Variants in NUP98 observed in about 807,000 individuals in gnomAD.
The protein encoded by NUP98 is nuclear pore complex protein Nup98-Nup96.
In NUP98, 26 loss-of-function variants were observed where a neutral mutation model predicts 191.9. The ratio of observed to expected loss-of-function variants is 0.14; its 90% CI spans 0.10 to 0.19. The LOEUF (loss-of-function observed/expected upper bound fraction) is 0.19, where lower values mean the gene tolerates loss of function less well. NUP98 is among the 10% of genes least tolerant of loss of function. The probability of loss-of-function intolerance (pLI) is 1.00; values close to 1 mark genes in which losing one functional copy is unlikely to be tolerated. For missense variants in NUP98, 1,941 were observed against 2,178.8 expected (o/e 0.89, Z 2.17); for synonymous variants, 808 against 778.4 (o/e 1.04, Z -0.63).
intron 31 of NUP98, among the ~76,000 whole-genome samples, chr11:3,677,033 A>C (rs1350770066): frequency 6.6e-6 from 1 of 152,330 alleles, no homozygotes; most frequent in South Asian, 2.1e-4. Flanking sequence ...ACACCAAAAA[A>C]GCTGTGTGCA....
intron 1 of NUP98, among the ~76,000 whole-genome samples, chr11:3,783,808 C>T (rs776455034): frequency 5.9e-5 from 9 of 151,912 alleles, no homozygotes; most frequent in East Asian, 1.9e-4. Flanking sequence ...GTTCCAAGAA[C>T]GCCTACACAG....
At chr11:3,702,241 AACACAC>A (rs1180575472) in intron 23 of NUP98, among the ~76,000 whole-genome samples, 2 of 143,994 alleles carry the variant, frequency 1.4e-5, no homozygotes, top group Non-Finnish European at 3.0e-5. Flanking sequence ...GAGACTCAAA[AACACAC>A]ACACACACAC....
chr11:3,679,838 C>T, intron 30 of NUP98, 130 bp from the exon 31 acceptor site: 2 of 774,082 alleles, frequency 2.6e-6, no homozygotes, highest in Non-Finnish European at 4.1e-6. Context: ...AAAGCACATA[C>T]AGGCATACCT....
intron 1 of NUP98, among the ~76,000 whole-genome samples, chr11:3,794,755 A>G (rs1337935942): frequency 6.6e-6 from 1 of 152,078 alleles, no homozygotes; most frequent in Non-Finnish European, 1.5e-5. Context: ...GCTGGAGTAC[A>G]GGTGCATGCC....
intron 4 of NUP98, among the ~76,000 whole-genome samples, chr11:3,776,278 C>A (rs1026537693): frequency 6.6e-6 from 1 of 151,358 alleles, no homozygotes; most frequent in African/African-American, 2.4e-5. Context: ...TGCGCCACCA[C>A]ACCCAGCTAA....
intron 12 of NUP98, among the ~76,000 whole-genome samples, chr11:3,741,613 T>C (rs2080289218): frequency 6.6e-6 from 1 of 151,410 alleles, no homozygotes; most frequent in Non-Finnish European, 1.5e-5. Flanking sequence ...AGTGCGAAAC[T>C]CCGTCTCAAA....
intron 1 of NUP98, among the ~76,000 whole-genome samples, chr11:3,783,114 G>A (rs2082029935): frequency 6.6e-6 from 1 of 152,114 alleles, no homozygotes; most frequent in African/African-American, 2.4e-5. Flanking sequence ...CCTCTGGCCA[G>A]GCACAGTGGG....
Position 3,771,957 on chromosome 11 carries a change from C to T in NUP98, c.604-29G>A, listed in dbSNP as rs971174085. 6.9e-6 allele frequency: 11 copies of T among 1,583,408 alleles called. No individual in the cohort carries two copies. The African/African-American group carries it at 1.3e-4, about 19-fold the overall frequency. ...AAGGGAGGGAAAACATATTTCTAAT[C>T]TTAACATGCAGCTAAAAATAATTAT... On this transcript the variant is annotated intron_variant, in intron 6 of 32. Coordinates refer to ENST00000324932, the MANE Select transcript of NUP98 (RefSeq NM_016320.5).
At chr11:3,791,059 C>A (rs2082323232) in intron 1 of NUP98, among the ~76,000 whole-genome samples, 1 of 151,978 alleles carries the variant, frequency 6.6e-6, no homozygotes, top group African/African-American at 2.4e-5. Context: ...CCACGCCCAG[C>A]TAATTTTTTG....
At chr11:3,677,306 A>G (rs998953643) in intron 31 of NUP98, among the ~76,000 whole-genome samples, 1 of 152,174 alleles carries the variant, frequency 6.6e-6, no homozygotes, top group Non-Finnish European at 1.5e-5. Flanking sequence ...GAAGACAGCT[A>G]AAACCCCCAA....
chr11:3,728,330 T>C (rs187046337), intron 14 of NUP98, among the ~76,000 whole-genome samples: 1 of 152,276 alleles, frequency 6.6e-6, no homozygotes, highest in East Asian at 1.9e-4. Context: ...AGTAAAAAAA[T>C]GTGAACTACC....
At chr11:3,797,286 A>G (rs1590021677) in intron 1 of NUP98, 114 bp downstream of exon 1, 1 of 397,218 alleles carries the variant, frequency 2.5e-6, no homozygotes, top group South Asian at 1.3e-4. Context: ...AGGTGCGCGC[A>G]GCGGCGCTAG....
chr11:3,695,552 C>T lies in NUP98; in HGVS notation c.4064G>A (p.Arg1355Gln), dbSNP rs144659895. The T allele has an allele frequency of 1.1e-3, 1,757 of 1,606,854 alleles. No homozygotes were observed. The highest frequency in any genetic ancestry group is 1.4e-3 in the Non-Finnish European group (1,672 of 1,176,646). ...LSQFVGSQSV[R>Q]ELLTMQLVDW... ...CACCAACTGCATGGTGAGCAGCTCC[C>T]GGACTGACTGGCTACCCACAAACTG... is the stretch of plus-strand genomic sequence containing the variant. The change falls in exon 26 of 33, where the codon CGG (arginine) becomes CAG (glutamine). Residue 1355 changes from arginine to glutamine, a missense_variant. Around this residue, in one of 6 missense-constraint regions of NUP98, gnomAD observed 1,030 missense variants for 1,115.8 expected, o/e 0.92. Coordinates refer to ENST00000324932, the MANE Select transcript of NUP98 (RefSeq NM_016320.5).
intron 14 of NUP98, among the ~76,000 whole-genome samples, chr11:3,729,541 T>A (rs1589824175): frequency 3.9e-5 from 2 of 51,570 alleles, no homozygotes; most frequent in East Asian, 6.1e-4. Context: ...ACCCTGTATC[T>A]CCAAAAAAAA....
intron 12 of NUP98, among the ~76,000 whole-genome samples, chr11:3,740,905 G>A (rs1158482003): frequency 1.3e-5 from 2 of 151,156 alleles, no homozygotes; most frequent in African/African-American, 2.4e-5. Context: ...TGCAACTTCC[G>A]CCTCCCAGGT....
intron 2 of NUP98, 58 bp downstream of exon 2, chr11:3,781,984 T>C: frequency 8.7e-7 from 1 of 1,145,264 alleles, no homozygotes; most frequent in South Asian, 1.3e-5. Flanking sequence ...CAGAGTGGAT[T>C]TGTTCTTAGT....
At chr11:3,770,327 AAAAAT>A (rs1392554599) in intron 7 of NUP98, among the ~76,000 whole-genome samples, 2 of 152,100 alleles carry the variant, frequency 1.3e-5, no homozygotes, top group Non-Finnish European at 2.9e-5. Flanking sequence ...TCCGTCTCAA[AAAAAT>A]AAAATAAAAT....
chr11:3,714,577 C>T (rs1207017630), intron 18 of NUP98, among the ~76,000 whole-genome samples: 4 of 152,064 alleles, frequency 2.6e-5, no homozygotes, highest in East Asian at 3.8e-4. Flanking sequence ...TCCTGCTTCC[C>T]GGAGCCCCTG....
At chr11:3,699,842 T>C (rs1268545663) in intron 24 of NUP98, among the ~76,000 whole-genome samples, 2 of 152,214 alleles carry the variant, frequency 1.3e-5, no homozygotes, top group African/African-American at 2.4e-5. Context: ...AAACAGCCCA[T>C]TTTTCAATAA....
Sources: gnomAD v4.1 joint callset for allele counts (sites outside exome capture counted in the v4.1 genomes callset) on GRCh38, gnomAD v4.1.1 for gene constraint, gnomAD v4.1.1 regional missense constraint, MANE v1.5 for transcripts, NCBI Gene and HGNC (gene_info 2026-07-23, HGNC 2026-07-21) for gene names.